Variants in PHACTR3 observed in about 807,000 individuals in gnomAD.
PHACTR3 encodes the protein phosphatase and actin regulator 3.
Under a neutral mutation model 66.8 loss-of-function variants are expected in PHACTR3, and 16 were observed. That is an observed-to-expected ratio of 0.24 (90% CI 0.16 to 0.36). The LOEUF (loss-of-function observed/expected upper bound fraction) is 0.36, where lower values mean the gene tolerates loss of function less well. Ranked by LOEUF, PHACTR3 falls within the 10% of genes least tolerant of loss-of-function variation. The pLI is 1.00. For synonymous variants in PHACTR3, 323 were observed against 292.1 expected (o/e 1.11, Z -1.08); for missense variants, 647 against 719.9 (o/e 0.90, Z 1.16).
intron 2 of PHACTR3, among the ~76,000 whole-genome samples, chr20:59,744,286 G>C (rs562046215): frequency 6.6e-6 from 1 of 152,234 alleles, no homozygotes; most frequent in Non-Finnish European, 1.5e-5. Context: ...CCTGGCAGCC[G>C]GGTGTGGTGG....
intron 7 of PHACTR3, 151 bp from the exon 8 acceptor site, chr20:59,805,890 G>A (rs2041551452): frequency 1.2e-6 from 1 of 801,896 alleles, no homozygotes; most frequent in African/African-American, 1.7e-5. Context: ...CCGCAAGCTG[G>A]CGAGCGTGTG....
At position 59,713,114 on chromosome 20, in the gene PHACTR3, G is replaced by A. The variant is rs1427913646; in HGVS notation, c.119-29993G>A. ...TGAGTTCTCATTTTGAATCAGGGTG[G>A]AGGTGGGAAAACAGCTCTCCTGGGT... On this transcript the variant is annotated intron_variant, in intron 1 of 12. Transcript: ENST00000371015. 4.6e-5 allele frequency among the ~76,000 whole-genome samples: 7 copies of A among 152,230 alleles called. No homozygotes were observed. The East Asian group carries it at 1.3e-3, about 29-fold the overall frequency.
At chr20:59,769,467 G>T (rs1260526453) in intron 5 of PHACTR3, among the ~76,000 whole-genome samples, 1 of 152,166 alleles carries the variant, frequency 6.6e-6, no homozygotes, top group Non-Finnish European at 1.5e-5. Flanking sequence ...GGCCTGGGAC[G>T]GCATCTCCCT....
At chr20:59,732,700 C>T (rs1173246604) in intron 1 of PHACTR3, among the ~76,000 whole-genome samples, 5 of 152,132 alleles carry the variant, frequency 3.3e-5, no homozygotes, top group African/African-American at 1.2e-4. Context: ...GTCAGTGGGA[C>T]AGCTCCAGGC....
chr20:59,647,474 G>A (rs1163034489), intron 1 of PHACTR3, among the ~76,000 whole-genome samples: 1 of 152,164 alleles, frequency 6.6e-6, no homozygotes, highest in Non-Finnish European at 1.5e-5. Context: ...GGGGAGGGTG[G>A]TGCAGGGCAG....
At chr20:59,695,616 G>A (rs2037267580) in intron 1 of PHACTR3, among the ~76,000 whole-genome samples, 1 of 152,086 alleles carries the variant, frequency 6.6e-6, no homozygotes, top group African/African-American at 2.4e-5. Context: ...TATTTTGTGA[G>A]TATTTTCTCA....
At chr20:59,627,741 T>A (rs554328298) in intron 1 of PHACTR3, among the ~76,000 whole-genome samples, 3 of 152,348 alleles carry the variant, frequency 2.0e-5, no homozygotes, top group African/African-American at 4.8e-5. Flanking sequence ...TATGTATGTA[T>A]CTATCATCCA....
chr20:59,782,224 TG>T (rs2040749513), intron 7 of PHACTR3, among the ~76,000 whole-genome samples: 1 of 152,156 alleles, frequency 6.6e-6, no homozygotes, highest in Non-Finnish European at 1.5e-5. Flanking sequence ...AAGAGGTGGT[TG>T]TTTTTTTCAT....
At chr20:59,834,900 A>C (rs2042481526) in intron 8 of PHACTR3, among the ~76,000 whole-genome samples, 1 of 152,226 alleles carries the variant, frequency 6.6e-6, no homozygotes, top group Admixed American at 6.5e-5. Flanking sequence ...CATACATAAA[A>C]TACACTAACG....
intron 1 of PHACTR3, among the ~76,000 whole-genome samples, chr20:59,638,138 G>A (rs2034960063): frequency 6.6e-6 from 1 of 152,328 alleles, no homozygotes; most frequent in South Asian, 2.1e-4. Flanking sequence ...CACCAACCAG[G>A]TGGGGTTCAC....
chr20:59,790,082 C>T (rs1251074907), intron 7 of PHACTR3, among the ~76,000 whole-genome samples: 2 of 152,084 alleles, frequency 1.3e-5, no homozygotes, highest in Non-Finnish European at 2.9e-5. Flanking sequence ...AGCCTCTTTG[C>T]CTTATGTTCT....
intron 1 of PHACTR3, among the ~76,000 whole-genome samples, chr20:59,708,667 T>A (rs927347920): frequency 2.4e-4 from 36 of 152,352 alleles, no homozygotes; most frequent in African/African-American, 7.9e-4. Flanking sequence ...ACTCAGTCAC[T>A]ACTCACAGCT....
chr20:59,654,796 AT>A, intron 1 of PHACTR3, among the ~76,000 whole-genome samples: 1 of 152,098 alleles, frequency 6.6e-6, no homozygotes, highest in East Asian at 1.9e-4. Flanking sequence ...ATCTGTCACC[AT>A]AGATTATCAC....
chr20:59,677,020 T>C (rs183695668), intron 1 of PHACTR3, among the ~76,000 whole-genome samples: 158 of 152,226 alleles, frequency 1.0e-3, no homozygotes, highest in Non-Finnish European at 1.8e-3. Flanking sequence ...CCTGGGTTTC[T>C]GGCACAGAGT....
Position 59,840,353 on chromosome 20 carries a change from T to C in PHACTR3, c.1385-16T>C, listed in dbSNP as rs1455197070. On this transcript the variant is annotated splice_polypyrimidine_tract_variant and intron_variant, in intron 9 of 12. Coordinates refer to ENST00000371015, the MANE Select transcript of PHACTR3 (RefSeq NM_080672.5). Reference sequence around the variant, plus strand: ...TCTCTTTGTTATTTTTTTTTTCCTATTTTAATCTTTCACAGAAAGGAATGA... The same window carrying C: ...TCTCTTTGTTATTTTTTTTTTCCTACTTTAATCTTTCACAGAAAGGAATGA... 1 of 1,603,536 alleles carries C rather than the reference T, an allele frequency of 6.2e-7. No individual in the cohort carries two copies. The highest frequency in any genetic ancestry group is 8.5e-7 in the Non-Finnish European group (1 of 1,176,586).
intron 4 of PHACTR3, among the ~76,000 whole-genome samples, chr20:59,761,850 G>A (rs910212007): frequency 6.6e-6 from 1 of 152,228 alleles, no homozygotes; most frequent in East Asian, 1.9e-4. Context: ...GAAGCTTCTG[G>A]TTGAGACTGC....
At chr20:59,842,453 A>C (rs1242695128) in intron 11 of PHACTR3, among the ~76,000 whole-genome samples, 7 of 152,190 alleles carry the variant, frequency 4.6e-5, no homozygotes, top group Admixed American at 2.6e-4. Context: ...CCAGAGGATC[A>C]CAGTGATGCG....
chr20:59,843,740 A>G (rs1002891530), intron 11 of PHACTR3: 1 of 152,072 alleles, frequency 6.6e-6, no homozygotes, highest in African/African-American at 2.4e-5. Flanking sequence ...AAAAGAAAAC[A>G]CAGAAGAAAC....
At chr20:59,630,777 C>T (rs559465381) in intron 1 of PHACTR3, among the ~76,000 whole-genome samples, 1 of 151,944 alleles carries the variant, frequency 6.6e-6, no homozygotes, top group Non-Finnish European at 1.5e-5. Flanking sequence ...CGGCCACCCT[C>T]AAGGAGCTTG....
Sources: gnomAD v4.1 joint callset for allele counts (sites outside exome capture counted in the v4.1 genomes callset) on GRCh38, gnomAD v4.1.1 for gene constraint, MANE v1.5 for transcripts, NCBI Gene and HGNC (gene_info 2026-07-23, HGNC 2026-07-21) for gene names.